Variants in CD109 observed in about 807,000 individuals in gnomAD.
CD109 encodes CD109 antigen.
Under a neutral mutation model 165.8 loss-of-function variants are expected in CD109, and 149 were observed. The observed-to-expected ratio is 0.90, with a 90% confidence interval of 0.79 to 1.03. The LOEUF (loss-of-function observed/expected upper bound fraction) is 1.03, where lower values mean the gene tolerates loss of function less well. Ranked by LOEUF, CD109 falls within the 50% of genes least tolerant of loss-of-function variation. CD109 has a pLI of 0.00. For missense variants in CD109, 1,712 were observed against 1,677.8 expected (o/e 1.02, Z -0.36); for synonymous variants, 585 against 592.1 (o/e 0.99, Z 0.18).
At chr6:73,814,749 T>C (rs1478472966) in intron 29 of CD109, among the ~76,000 whole-genome samples, 1 of 152,196 alleles carries the variant, frequency 6.6e-6, no homozygotes, top group Non-Finnish European at 1.5e-5. Flanking sequence ...TTGTACTTGT[T>C]TTGGAATATT....
chr6:73,721,666 G>A (rs1771955271), intron 2 of CD109, among the ~76,000 whole-genome samples: 1 of 151,940 alleles, frequency 6.6e-6, no homozygotes, highest in Non-Finnish European at 1.5e-5. Context: ...CGCCCGGCCA[G>A]TAATTTTTAT....
At chr6:73,711,523 T>G (rs1771537141) in intron 2 of CD109, among the ~76,000 whole-genome samples, 1 of 119,118 alleles carries the variant, frequency 8.4e-6, no homozygotes, top group Non-Finnish European at 1.8e-5. Context: ...ATTTTTAAAA[T>G]CGTACTTTAA....
At position 73,785,500 on chromosome 6, in the gene CD109, G is replaced by A. The variant is rs752609554; in HGVS notation, c.2337+23G>A. ...GAGGTAATGTATTCAAGCTTTTGTT[G>A]ATCATTTACACTACAGGAGAAAATC... On this transcript the variant is annotated intron_variant, in intron 20 of 32. Coordinates refer to ENST00000287097, the MANE Select transcript of CD109 (RefSeq NM_133493.5). 5 of 1,318,396 alleles carry A rather than the reference G, an allele frequency of 3.8e-6. No homozygotes were observed. In the African/African-American group the frequency reaches 5.9e-5, roughly 16 times the overall value. The allele number at this position is 1,318,396 out of a possible 1,614,324, so 81.7% of individuals were successfully genotyped here.
At chr6:73,800,144 C>T (rs77430915) in intron 23 of CD109, among the ~76,000 whole-genome samples, 1 of 152,072 alleles carries the variant, frequency 6.6e-6, no homozygotes, top group Non-Finnish European at 1.5e-5. Context: ...AATAGGTGAA[C>T]CTTGGCGCCT....
intron 30 of CD109, among the ~76,000 whole-genome samples, chr6:73,817,692 T>G (rs1305075714): frequency 1.3e-5 from 2 of 152,218 alleles, no homozygotes; most frequent in African/African-American, 4.8e-5. Context: ...CAATTCATTT[T>G]ATAAAAATAT....
At chr6:73,696,193 T>C (rs1301925806), upstream of CD109, 3 of 1,543,384 alleles carry the variant, frequency 1.9e-6, no homozygotes, top group Non-Finnish European at 2.6e-6. Flanking sequence ...CAGCGGACTG[T>C]AGCCCAGGCA....
intron 2 of CD109, among the ~76,000 whole-genome samples, chr6:73,719,528 CAT>C (rs1244415541): frequency 1.3e-5 from 2 of 152,160 alleles, no homozygotes; most frequent in Non-Finnish European, 2.9e-5. Flanking sequence ...AGCATGAACT[CAT>C]AGATTCTTGT....
chr6:73,710,282 T>C (rs1771475431), intron 2 of CD109, among the ~76,000 whole-genome samples: 1 of 152,168 alleles, frequency 6.6e-6, no homozygotes, highest in African/African-American at 2.4e-5. Flanking sequence ...ATCACCAGCA[T>C]TCTTATACAC....
chr6:73,807,717 C>T (rs1562081999), intron 25 of CD109, among the ~76,000 whole-genome samples: 1 of 152,150 alleles, frequency 6.6e-6, no homozygotes. Context: ...AGAAGCTAAA[C>T]TTTTCCTGAA....
At position 73,763,647 on chromosome 6, in the gene CD109, A is replaced by C. The variant is rs1477237486; in HGVS notation, c.1069A>C (p.Thr357Pro). Residue 357 changes from threonine to proline, a missense_variant, in exon 10 of 33, where the codon ACT (threonine) becomes CCT (proline). Physicochemically the swap from Thr to Pro is conservative, Grantham distance 38. Coordinates refer to ENST00000287097, the MANE Select transcript of CD109 (RefSeq NM_133493.5). Reference protein sequence around the residue: ...HDYIIEFFDYTTVLKPSLNFT... With the variant: ...HDYIIEFFDYPTVLKPSLNFT... Reference sequence around the variant, plus strand: ...TTACATCATTGAGTTTTTTGATTATACTACTGTCTTGAAGCCATCTCTCAA... The same window carrying C: ...TTACATCATTGAGTTTTTTGATTATCCTACTGTCTTGAAGCCATCTCTCAA... 4 of 1,592,458 alleles carry C rather than the reference A, an allele frequency of 2.5e-6. No individual in the cohort carries two copies. The highest frequency in any genetic ancestry group is 3.4e-6 in the Non-Finnish European group (4 of 1,167,508).
intron 28 of CD109, 92 bp downstream of exon 28, chr6:73,811,239 G>A (rs569459724): frequency 7.2e-7 from 1 of 1,397,550 alleles, no homozygotes; most frequent in Non-Finnish European, 9.6e-7. Context: ...TTTCAACAAA[G>A]ACTTGTTTCC....
At chr6:73,818,940 T>G (rs1381328510) in intron 31 of CD109, among the ~76,000 whole-genome samples, 2 of 152,158 alleles carry the variant, frequency 1.3e-5, no homozygotes, top group Non-Finnish European at 2.9e-5. Context: ...CAAGTGATCC[T>G]CCCACTGCAG....
chr6:73,689,463 G>T, the CD109 span, among the ~76,000 whole-genome samples: 3 of 152,218 alleles, frequency 2.0e-5, no homozygotes, highest in African/African-American at 7.2e-5. Context: ...TGCTTGGTCA[G>T]CATGGGAGAA....
At chr6:73,798,028 G>T (rs956409916) in intron 23 of CD109, among the ~76,000 whole-genome samples, 2 of 151,666 alleles carry the variant, frequency 1.3e-5, no homozygotes, top group African/African-American at 2.4e-5. Context: ...TTGTGATGCA[G>T]AGTCTCCAAC....
intron 8 of CD109, 88 bp downstream of exon 8, chr6:73,762,568 G>C: frequency 2.9e-6 from 3 of 1,050,080 alleles, no homozygotes; most frequent in Non-Finnish European, 4.2e-6. Context: ...TTAACAAAAA[G>C]TTAAGTGTAA....
intron 3 of CD109, among the ~76,000 whole-genome samples, chr6:73,727,591 A>G (rs1772190099): frequency 6.6e-6 from 1 of 152,110 alleles, no homozygotes; most frequent in Non-Finnish European, 1.5e-5. Flanking sequence ...TTTCGGGCAT[A>G]TTTGCATTTA....
intron 2 of CD109, among the ~76,000 whole-genome samples, chr6:73,718,432 C>T (rs1394908683): frequency 6.6e-6 from 1 of 151,924 alleles, no homozygotes; most frequent in Admixed American, 6.6e-5. Flanking sequence ...CTTCTATATG[C>T]AGTTTTTTTG....
upstream of CD109, among the ~76,000 whole-genome samples, chr6:73,692,687 G>A (rs1483050456): frequency 1.3e-5 from 2 of 152,090 alleles, no homozygotes; most frequent in African/African-American, 2.4e-5. Context: ...CACATGTCAC[G>A]GGAGGGACCC....
At chr6:73,794,598 G>C (rs1276419442) in intron 23 of CD109, among the ~76,000 whole-genome samples, 1 of 152,198 alleles carries the variant, frequency 6.6e-6, no homozygotes, top group African/African-American at 2.4e-5. Context: ...AAGGCTGAAT[G>C]GGAGTCAAGG....
Sources: gnomAD v4.1 joint callset for allele counts (sites outside exome capture counted in the v4.1 genomes callset) on GRCh38, gnomAD v4.1.1 for gene constraint, MANE v1.5 for transcripts, NCBI Gene and HGNC (gene_info 2026-07-23, HGNC 2026-07-21) for gene names.